Variants in ZNF217 observed in about 807,000 individuals in gnomAD.
The protein encoded by ZNF217 is zinc finger protein 217.
ZNF217 carries 12 observed loss-of-function variants against 73.3 expected under a neutral mutation model. The ratio of observed to expected loss-of-function variants is 0.16; its 90% CI spans 0.10 to 0.27. The LOEUF (loss-of-function observed/expected upper bound fraction) is 0.27. ZNF217 is among the 10% of genes least tolerant of loss of function. ZNF217 has a pLI of 1.00. For missense variants in ZNF217, 1,195 were observed against 1,327.8 expected (o/e 0.90, Z 1.55); for synonymous variants, 588 against 516.4 (o/e 1.14, Z -1.88).
rs1275440592 is a variant in ZNF217 at position 53,567,727 on chromosome 20, C to T, written c.*1561G>A. On this transcript the variant is annotated 3_prime_UTR_variant, in exon 6 of 6. Coordinates refer to ENST00000371471, the MANE Select transcript of ZNF217 (RefSeq NM_006526.3). ...GTCAATAGTGTACACTTTCCTGATACAAAGCACTTCATTGCAATGCCAACA... is the reference window on the plus strand; with the variant it reads ...GTCAATAGTGTACACTTTCCTGATATAAAGCACTTCATTGCAATGCCAACA... The T allele has an allele frequency of 6.6e-6, 1 of 152,536 alleles. No individual in the cohort carries two copies. The highest frequency in any genetic ancestry group is 2.4e-5 in the African/African-American group (1 of 41,404). The allele number at this position is 152,536 out of a possible 1,614,324, so 9.4% of individuals were successfully genotyped here.
upstream of ZNF217, among the ~76,000 whole-genome samples, chr20:53,594,723 G>A (rs1989009386): frequency 6.6e-6 from 1 of 152,076 alleles, no homozygotes; most frequent in Admixed American, 6.5e-5. Context: ...GTGTGCGCGG[G>A]CGAGGGGAGG....
chr20:53,586,597 A>C (rs1337789601), intron 1 of ZNF217, among the ~76,000 whole-genome samples: 1 of 152,232 alleles, frequency 6.6e-6, no homozygotes, highest in Non-Finnish European at 1.5e-5. Context: ...CACACTAGAC[A>C]AAACACTTCC....
intron 1 of ZNF217, among the ~76,000 whole-genome samples, chr20:53,588,484 CAA>C (rs548028088): frequency 0.012 from 1,709 of 144,462 alleles, 31 homozygotes; most frequent in African/African-American, 0.04. Flanking sequence ...CTAACTGCAC[CAA>C]AAAAAAAAGA....
chr20:53,593,322 C>CG (rs34994851), intron 1 of ZNF217, among the ~76,000 whole-genome samples: 2 of 152,146 alleles, frequency 1.3e-5, no homozygotes, highest in Non-Finnish European at 2.9e-5. Context: ...CCGGGCATCG[C>CG]GGGGGGACCC....
At chr20:53,594,855 A>G (rs1989012995), upstream of ZNF217, among the ~76,000 whole-genome samples, 1 of 152,142 alleles carries the variant, frequency 6.6e-6, no homozygotes, top group Admixed American at 6.5e-5. Context: ...AGCTTGAGGA[A>G]GGTCGAGAAG....
intron 4 of ZNF217, chr20:53,574,730 G>C (rs1988172043): frequency 6.6e-6 from 1 of 151,310 alleles, no homozygotes; most frequent in Non-Finnish European, 1.5e-5. Context: ...AGGAGAAGGA[G>C]GTTTCAGTGA....
chr20:53,578,566 T>C (rs1446294752), intron 2 of ZNF217, 116 bp from the exon 3 acceptor site: 2 of 643,120 alleles, frequency 3.1e-6, no homozygotes, highest in East Asian at 2.9e-5. Flanking sequence ...AAAATTCTTT[T>C]ATATAACATC....
At chr20:53,596,178 C>T (rs1280753947), upstream of ZNF217, among the ~76,000 whole-genome samples, 2 of 151,986 alleles carry the variant, frequency 1.3e-5, no homozygotes, top group Admixed American at 1.3e-4. Context: ...CCTGTGCCCT[C>T]CAAAGCTACC....
chr20:53,575,777 A>G lies in ZNF217; in HGVS notation c.2987T>C (p.Leu996Pro), dbSNP rs890191734. ...VQKPYGGSGP[L>P]YTCVPAGSPA... ...ACTACCAGCAGGCACACAAGTGTAA[A>G]GTGGCCCGGAGCCACCATAGGGCTT... Residue 996 changes from leucine to proline, a missense_variant, in exon 4 of 6, where the codon CTT becomes CCT. Leu to Pro is a moderately conservative substitution (Grantham distance 98, BLOSUM62 -3). Transcript: ENST00000371471. 1.2e-6 allele frequency: 2 copies of G among 1,609,478 alleles called. No individual in the cohort carries two copies. Among genetic ancestry groups the G allele is most frequent in the Non-Finnish European group, 1.7e-6 (2 of 1,177,756 alleles).
intron 4 of ZNF217, chr20:53,572,773 G>C (rs2145925814): frequency 6.6e-6 from 1 of 152,260 alleles, no homozygotes; most frequent in Non-Finnish European, 1.5e-5. Context: ...GCTTCTATGT[G>C]ATAAAGGAAG....
chr20:53,592,191 A>T (rs1988897692), intron 1 of ZNF217, among the ~76,000 whole-genome samples: 1 of 152,212 alleles, frequency 6.6e-6, no homozygotes, highest in Non-Finnish European at 1.5e-5. Context: ...TAGGACACAC[A>T]GTGGCCAATA....
At position 53,571,860 on chromosome 20, in the gene ZNF217, GA is replaced by G. The variant is rs139374346; in HGVS notation, c.3038-8del. The G allele has an allele frequency of 2.6e-3, 3,836 of 1,464,350 alleles. 11 individuals are homozygous for G. The highest frequency in any genetic ancestry group is 2.7e-3 in the Non-Finnish European group (2,914 of 1,092,226). 90.7% of individuals were successfully genotyped at this position (1,464,350 alleles called of 1,614,324 possible). Reference sequence around the variant, plus strand: ...TATGACACAGGCCTTTTTCCTGATTGAAAAAAAAAACATATTTAGAGTTAAG... The same window carrying G: ...TATGACACAGGCCTTTTTCCTGATTGAAAAAAAAACATATTTAGAGTTAAG... On this transcript the variant is annotated splice_polypyrimidine_tract_variant and splice_region_variant and intron_variant, in intron 4 of 5. Transcript: ENST00000371471.
intron 1 of ZNF217, among the ~76,000 whole-genome samples, chr20:53,589,419 A>G (rs535421025): frequency 1.3e-5 from 2 of 152,346 alleles, no homozygotes; most frequent in East Asian, 3.9e-4. Flanking sequence ...GAAGTAATGG[A>G]GATGTTCAGA....
At chr20:53,573,659 A>T (rs922524943) in intron 4 of ZNF217, among the ~76,000 whole-genome samples, 15 of 152,116 alleles carry the variant, frequency 9.9e-5, no homozygotes, top group South Asian at 2.1e-4. Flanking sequence ...GGGTTTCACC[A>T]TGTTGACCAG....
At chr20:53,585,214 T>C (rs897094563) in intron 1 of ZNF217, among the ~76,000 whole-genome samples, 1 of 151,866 alleles carries the variant, frequency 6.6e-6, no homozygotes, top group African/African-American at 2.4e-5. Context: ...TCCACTTCTC[T>C]ACTGACATCC....
chr20:53,593,926 G>C (rs944192153), upstream of ZNF217: 5 of 151,458 alleles, frequency 3.3e-5, no homozygotes, highest in Admixed American at 3.3e-4. Flanking sequence ...CCTTTTGTGC[G>C]GACACCTCCC....
At chr20:53,577,963 T>A (rs1323686977) in intron 3 of ZNF217, among the ~76,000 whole-genome samples, 2 of 152,050 alleles carry the variant, frequency 1.3e-5, no homozygotes, top group African/African-American at 4.8e-5. Flanking sequence ...AATACAGAAA[T>A]TAGCCGGGTG....
intron 4 of ZNF217, chr20:53,572,796 G>A (rs1004105868): frequency 6.6e-6 from 1 of 152,158 alleles, no homozygotes; most frequent in African/African-American, 2.4e-5. Flanking sequence ...GCTGCAGTTT[G>A]ACCGAGTTTG....
At chr20:53,574,957 GCAAGA>G (rs1410010951) in intron 4 of ZNF217, 1 of 152,360 alleles carries the variant, frequency 6.6e-6, no homozygotes, top group Non-Finnish European at 1.5e-5. Context: ...AATTTCAACA[GCAAGA>G]CAAGAATGGA....
Sources: gnomAD v4.1 joint callset for allele counts (sites outside exome capture counted in the v4.1 genomes callset) on GRCh38, gnomAD v4.1.1 for gene constraint, MANE v1.5 for transcripts, NCBI Gene and HGNC (gene_info 2026-07-23, HGNC 2026-07-21) for gene names.